The following LNX1 variants were observed in gnomAD, a reference collection of about 807,000 sequenced individuals.
The protein encoded by LNX1 is E3 ubiquitin-protein ligase LNX.
LNX1 carries 54 observed loss-of-function variants against 68.4 expected under a neutral mutation model. The observed-to-expected ratio is 0.79, with a 90% CI of 0.63 to 0.99. The LOEUF (loss-of-function observed/expected upper bound fraction) is 0.99. Ranked by LOEUF, LNX1 falls within the 50% of genes least tolerant of loss-of-function variation. The pLI, the probability that LNX1 is intolerant of heterozygous loss-of-function variation, is 0.00. For synonymous variants in LNX1, 336 were observed against 350.0 expected (o/e 0.96, Z 0.45); for missense variants, 906 against 926.4 (o/e 0.98, Z 0.29).
At position 53,628,316 on chromosome 4, in the gene LNX1, A is replaced by C. The variant is rs146516908; in HGVS notation, c.-215+23852T>G. Among the ~76,000 whole-genome samples the C allele has an allele frequency of 2.6e-3, 402 of 152,334 alleles. 3 individuals carry two copies. The highest frequency in any genetic ancestry group is 9.2e-3 in the African/African-American group (383 of 41,574). On this transcript the variant is annotated intron_variant, in intron 1 of 2. Coordinates refer to the LNX1 transcript ENST00000507168. ...ATTAGCAATACAAAACAATCCCATC[A>C]AAAAGTAGGCAAATGGCATGAATAG...
At chr4:53,488,608 A>G (rs1724478390) in intron 6 of LNX1, among the ~76,000 whole-genome samples, 1 of 152,200 alleles carries the variant, frequency 6.6e-6, no homozygotes, top group South Asian at 2.1e-4. Flanking sequence ...TTTGTCATTC[A>G]TACAAGCATA....
intron 2 of LNX1, among the ~76,000 whole-genome samples, chr4:53,610,645 C>T (rs2616423): frequency 0.77 from 114,778 of 148,900 alleles, 44,642 homozygotes; most frequent in East Asian, 0.91. Flanking sequence ...GAGGCAGAGC[C>T]TGCAGTGAGC....
intron 1 of LNX1, among the ~76,000 whole-genome samples, chr4:53,643,183 C>T (rs903757347): frequency 1.3e-5 from 2 of 151,824 alleles, no homozygotes; most frequent in African/African-American, 4.8e-5. Flanking sequence ...CAGGATCTTG[C>T]TCTGTTGCCC....
intron 1 of LNX1, among the ~76,000 whole-genome samples, chr4:53,589,878 C>T (rs551333160): frequency 1.1e-4 from 17 of 152,240 alleles, no homozygotes; most frequent in South Asian, 1.0e-3. Flanking sequence ...CAGCTTTGTT[C>T]CTTTAGTACT....
chr4:53,554,839 G>T (rs975387739), intron 2 of LNX1, among the ~76,000 whole-genome samples: 56 of 146,138 alleles, frequency 3.8e-4, no homozygotes, highest in African/African-American at 1.4e-3. Context: ...GCAACAGAGC[G>T]AGACTCTGTC....
At chr4:53,623,109 G>T (rs1433120024) in intron 1 of LNX1, among the ~76,000 whole-genome samples, 1 of 152,038 alleles carries the variant, frequency 6.6e-6, no homozygotes, top group East Asian at 1.9e-4. Flanking sequence ...CATGATCCTG[G>T]ACTGATCACT....
At chr4:53,532,131 A>G (rs1363839720) in intron 2 of LNX1, among the ~76,000 whole-genome samples, 1 of 152,216 alleles carries the variant, frequency 6.6e-6, no homozygotes, top group Non-Finnish European at 1.5e-5. Context: ...TAAGAAAGGG[A>G]TGGACCAAGG....
intron 7 of LNX1, among the ~76,000 whole-genome samples, chr4:53,479,866 T>C (rs1365265141): frequency 6.6e-6 from 1 of 152,236 alleles, no homozygotes; most frequent in African/African-American, 2.4e-5. Flanking sequence ...AATAACAGAA[T>C]GACCTACCCA....
intron 1 of LNX1, among the ~76,000 whole-genome samples, chr4:53,578,150 A>T (rs1473436089): frequency 1.3e-5 from 2 of 152,174 alleles, no homozygotes; most frequent in African/African-American, 2.4e-5. Flanking sequence ...TTTCTTGATT[A>T]TGGCTAGTCA....
rs186376272 is a variant in LNX1 at position 53,493,993 on chromosome 4, G to A, written c.1350+2030C>T. Among the ~76,000 whole-genome samples the A allele has an allele frequency of 4.1e-3, 623 of 152,138 alleles. 5 individuals carry two copies. Among genetic ancestry groups the A allele is most frequent in the African/African-American group, 0.014 (590 of 41,494 alleles). On this transcript the variant is annotated intron_variant, in intron 6 of 10. Coordinates refer to ENST00000263925, the MANE Select transcript of LNX1 (RefSeq NM_001126328.3). ...TTTCACATGATCTGTCTCTTGCCTC[G>A]TCTATGGCTGCTTTTTAAAATACAC... is the stretch of plus-strand genomic sequence containing the variant.
intron 1 of LNX1, among the ~76,000 whole-genome samples, chr4:53,616,899 TA>T (rs1275668616): frequency 6.6e-6 from 1 of 152,196 alleles, no homozygotes; most frequent in African/African-American, 2.4e-5. Context: ...TACTGATGTT[TA>T]AACTAAGAAG....
At chr4:53,642,843 C>T (rs1034850593) in intron 1 of LNX1, among the ~76,000 whole-genome samples, 31 of 152,304 alleles carry the variant, frequency 2.0e-4, no homozygotes, top group African/African-American at 6.7e-4. Flanking sequence ...CCAGATCCCT[C>T]CCAGCCATGG....
At position 53,481,830 on chromosome 4, in the gene LNX1, C is replaced by T. The variant is rs200773812; in HGVS notation, c.1375G>A (p.Val459Ile). ...CGCTGCCGAACCTGGCGGGACACGA[C>T]GAGGTGAACACGTCTTTCACTGGCC... ...IQASERRVHL[V>I]VSRQVRQRSP... Residue 459 changes from valine to isoleucine, a missense_variant, in exon 7 of 11, where the codon GTC (valine) becomes ATC (isoleucine). Transcript: ENST00000263925. The T allele has an allele frequency of 3.2e-5, 52 of 1,609,958 alleles. No homozygotes were observed. The African/African-American group carries it at 3.3e-4, about 10-fold the overall frequency.
chr4:53,558,365 A>T, intron 2 of LNX1: 1 of 677,580 alleles, frequency 1.5e-6, no homozygotes. Context: ...CATGAGCATG[A>T]CACATTCAGA....
intron 2 of LNX1, chr4:53,539,440 C>G (rs1483587142): frequency 6.6e-6 from 1 of 152,302 alleles, no homozygotes; most frequent in Admixed American, 6.5e-5. Flanking sequence ...TCTCTGCTCA[C>G]TGCAGCCTCA....
chr4:53,465,198 G>T (rs1459493276), intron 9 of LNX1, among the ~76,000 whole-genome samples: 1 of 152,082 alleles, frequency 6.6e-6, no homozygotes, highest in Non-Finnish European at 1.5e-5. Flanking sequence ...AAGTTTGGCT[G>T]CCCAGTTTAC....
intron 6 of LNX1, among the ~76,000 whole-genome samples, chr4:53,483,091 C>T (rs994673858): frequency 6.6e-6 from 1 of 152,102 alleles, no homozygotes; most frequent in African/African-American, 2.4e-5. Context: ...CATATGTCAT[C>T]GGAGGGACCT....
chr4:53,567,487 T>C (rs1730781646), intron 2 of LNX1, among the ~76,000 whole-genome samples: 1 of 152,202 alleles, frequency 6.6e-6, no homozygotes, highest in Admixed American at 6.5e-5. Flanking sequence ...CTGGGACGCA[T>C]GCAAAGCAGT....
At chr4:53,507,800 G>T (rs115122786) in intron 3 of LNX1, among the ~76,000 whole-genome samples, 186 bp downstream of exon 3, 1 of 152,148 alleles carries the variant, frequency 6.6e-6, no homozygotes, top group South Asian at 2.1e-4. Context: ...ATTACACACA[G>T]TTTTAATGAT....
Sources: gnomAD v4.1 joint callset for allele counts (sites outside exome capture counted in the v4.1 genomes callset) on GRCh38, gnomAD v4.1.1 for gene constraint, MANE v1.5 for transcripts, NCBI Gene and HGNC (gene_info 2026-07-23, HGNC 2026-07-21) for gene names.